STRAP: variants seen among roughly 807,000 people sequenced by gnomAD.
STRAP encodes the protein serine-threonine kinase receptor-associated protein.
STRAP carries 16 observed loss-of-function variants against 47.0 expected under a neutral mutation model. The observed-to-expected ratio is 0.34, with a 90% CI of 0.23 to 0.52. The LOEUF (loss-of-function observed/expected upper bound fraction) is 0.52, where lower values mean the gene tolerates loss of function less well. Ranked by LOEUF, STRAP falls within the 20% of genes least tolerant of loss-of-function variation. The probability of loss-of-function intolerance (pLI) is 0.96; values close to 1 mark genes in which losing one functional copy is unlikely to be tolerated. For synonymous variants in STRAP, 130 were observed against 142.7 expected (o/e 0.91, Z 0.63); for missense variants, 293 against 420.0 (o/e 0.70, Z 2.64).
chr12:15,901,672 C>A (rs1423764035), intron 9 of STRAP, among the ~76,000 whole-genome samples: 1 of 151,824 alleles, frequency 6.6e-6, no homozygotes, highest in Non-Finnish European at 1.5e-5. Context: ...ACCAACCTGG[C>A]CAACATGGTG....
rs549983078 is a variant in STRAP, at chr12:15,890,724, C to T, written c.403+55C>T. 12 of 1,429,630 alleles carry T rather than the reference C, an allele frequency of 8.4e-6. No individual in the cohort carries two copies. The highest frequency in any genetic ancestry group is 2.5e-5 in the South Asian group (2 of 80,914). 88.6% of individuals were successfully genotyped at this position (1,429,630 alleles called of 1,614,324 possible). A position where few individuals can be genotyped will look rare whatever the true frequency, so the allele number is the denominator to read the frequency against. On this transcript the variant is annotated intron_variant, in intron 4 of 9. Transcript: ENST00000419869. The surrounding 1 kb of genome is among the most constrained non-coding windows in gnomAD (Gnocchi z 4.5). Reference sequence around the variant, plus strand: ...TTTTATTTTCTTTTAATTTAAATAACTGATTAAAGAATTTCATGCTCAGTA... The same window carrying T: ...TTTTATTTTCTTTTAATTTAAATAATTGATTAAAGAATTTCATGCTCAGTA...
At chr12:15,883,216 T>C in intron 1 of STRAP, 1 of 1,330,748 alleles carries the variant, frequency 7.5e-7, no homozygotes. Flanking sequence ...TGGATATTCC[T>C]TTGTGGTATT....
rs555034231 is a variant in STRAP at position 15,894,818 on chromosome 12, T to G, written c.501-541T>G. On this transcript the variant is annotated intron_variant, in intron 5 of 9. Coordinates refer to ENST00000419869, the MANE Select transcript of STRAP (RefSeq NM_007178.4). The surrounding 1 kb of genome is among the most constrained non-coding windows in gnomAD (Gnocchi z 4.9). ...TCCAACTTTTTTCTGGTCCCAAGTA[T>G]TTTCAATTAAGGGATGCTCACCTTG... Among the ~76,000 whole-genome samples the G allele has an allele frequency of 2.7e-4, 41 of 152,316 alleles. No homozygotes were observed. Among genetic ancestry groups the G allele is most frequent in the Admixed American group, 1.2e-3 (19 of 15,304 alleles).
In STRAP at chr12:15,895,738, G is replaced by A. The variant is rs181576788; in HGVS notation, c.638+242G>A. 1.3e-4 allele frequency among the ~76,000 whole-genome samples: 19 copies of A among 151,608 alleles called. No homozygotes were observed. The East Asian group carries it at 3.3e-3, about 27-fold the overall frequency. ...TAGCTGGGTGTGGTGGCACACGCCT[G>A]TAGTCCAGCTGCTTGGGAGGCTGAG... On this transcript the variant is annotated intron_variant, in intron 6 of 9. Transcript: ENST00000419869.
At chr12:15,885,060 A>G (rs1043792050) in intron 2 of STRAP, among the ~76,000 whole-genome samples, 1 of 152,006 alleles carries the variant, frequency 6.6e-6, no homozygotes, top group African/African-American at 2.4e-5. Context: ...TCCAGTTCCT[A>G]CTTGGTATTT....
Position 15,882,621 on chromosome 12 carries a change from G to C in STRAP, c.-87G>C. Reference sequence around the variant, plus strand: ...AGCCCTAGTGTCAGGGCGGGGGCCTGGAGCAGCCCGAGGCACTGCAGCAGA... The same window carrying C: ...AGCCCTAGTGTCAGGGCGGGGGCCTCGAGCAGCCCGAGGCACTGCAGCAGA... On this transcript the variant is annotated 5_prime_UTR_variant, in exon 1 of 10. Coordinates refer to ENST00000419869, the MANE Select transcript of STRAP (RefSeq NM_007178.4). The C allele has an allele frequency of 8.6e-7, 1 of 1,165,976 alleles. No homozygotes were observed. The highest frequency in any genetic ancestry group is 1.2e-6 in the Non-Finnish European group (1 of 810,368). 72.2% of individuals were successfully genotyped at this position (1,165,976 alleles called of 1,614,324 possible).
chr12:15,892,278 A>T (rs1275664945), intron 4 of STRAP, among the ~76,000 whole-genome samples: 4 of 151,604 alleles, frequency 2.6e-5, no homozygotes, highest in African/African-American at 7.3e-5. Context: ...TTTGCTTTTA[A>T]ATTTTGTTAA....
chr12:15,902,907 T>TTTTTTTC lies in STRAP; in HGVS notation c.992-9_992-8insTTTTTCT, dbSNP rs1412536661. On this transcript the variant is annotated splice_polypyrimidine_tract_variant and intron_variant, in intron 9 of 9. Transcript: ENST00000419869. ...TGACTTTTTTTTTTTTTTTTTTTTT[T>TTTTTTTC]TACTTATAGAAGAAATTGCTTCAGA... The TTTTTTTC allele has an allele frequency of 6.6e-7, 1 of 1,506,674 alleles. No individual in the cohort carries two copies. Among genetic ancestry groups the TTTTTTTC allele is most frequent in the African/African-American group, 1.4e-5 (1 of 70,118 alleles). The allele number at this position is 1,506,674 out of a possible 1,614,324, so 93.3% of individuals were successfully genotyped here.
At chr12:15,884,130 TC>T (rs1459552690) in intron 2 of STRAP, among the ~76,000 whole-genome samples, 7 of 152,194 alleles carry the variant, frequency 4.6e-5, no homozygotes, top group Non-Finnish European at 7.3e-5. Context: ...ACTCAGCTGC[TC>T]GTCATTTCCT....
At chr12:15,900,520 CAAAAA>C (rs397823926) in intron 8 of STRAP, among the ~76,000 whole-genome samples, 9 of 102,244 alleles carry the variant, frequency 8.8e-5, no homozygotes, top group East Asian at 2.8e-4. Context: ...GACTCAGTCT[CAAAAA>C]AAAAAAAAAG....
Position 15,888,454 on chromosome 12 carries a change from A to C in STRAP, c.249-1474A>C, listed in dbSNP as rs766860240. 1.1e-3 allele frequency among the ~76,000 whole-genome samples: 160 copies of C among 152,198 alleles called. 1 individual carries two copies. Among genetic ancestry groups the C allele is most frequent in the Non-Finnish European group, 3.8e-4 (26 of 68,028 alleles). ...TACTAGGGAGTTTAGCAGCAAGGCT[A>C]CTTATAGTTGACATTATTTCTTTCA... On this transcript the variant is annotated intron_variant, in intron 2 of 9. Transcript: ENST00000419869.
rs975615877 is a variant in STRAP at position 15,901,456 on chromosome 12, C to T, written c.991+444C>T. Reference sequence around the variant, plus strand: ...AACTATGTTAACTAAAAGTTCAGAACCAAAAAGGAGCATAGCATATGAGGA... The same window carrying T: ...AACTATGTTAACTAAAAGTTCAGAATCAAAAAGGAGCATAGCATATGAGGA... On this transcript the variant is annotated intron_variant, in intron 9 of 9. Transcript: ENST00000419869. Among the ~76,000 whole-genome samples, 4 of 151,918 alleles carry T rather than the reference C, an allele frequency of 2.6e-5. 1 individual carries two copies. Among genetic ancestry groups the T allele is most frequent in the Non-Finnish European group, 4.4e-5 (3 of 67,982 alleles).
In STRAP at chr12:15,882,554, T is replaced by A; in HGVS notation, c.-154T>A. ...ACCCCTCCCTCACCCCTCCCTAACC[T>A]CGGTGCCACCGGATTGCCCTTCTTT... On this transcript the variant is annotated 5_prime_UTR_variant, in exon 1 of 10. Coordinates refer to ENST00000419869, the MANE Select transcript of STRAP (RefSeq NM_007178.4). The A allele has an allele frequency of 1.6e-5, 7 of 435,384 alleles. No individual in the cohort carries two copies. Among genetic ancestry groups the A allele is most frequent in the Admixed American group, 3.3e-5 (1 of 29,958 alleles). 27.0% of individuals were successfully genotyped at this position (435,384 alleles called of 1,614,324 possible). A position where few individuals can be genotyped will look rare whatever the true frequency, so the allele number is the denominator to read the frequency against.
Position 15,900,833 on chromosome 12 carries a change from T to A in STRAP, c.926-114T>A, listed in dbSNP as rs1424216540. 5 of 705,902 alleles carry A rather than the reference T, an allele frequency of 7.1e-6. No homozygotes were observed. The East Asian group carries it at 1.4e-4, about 19-fold the overall frequency. 43.7% of individuals were successfully genotyped at this position (705,902 alleles called of 1,614,324 possible). A position where few individuals can be genotyped will look rare whatever the true frequency, so the allele number is the denominator to read the frequency against. On this transcript the variant is annotated intron_variant, in intron 8 of 9. Transcript: ENST00000419869. ...ATTTAAAAAGGAGTTGTTTTTATTATATTTTGTAGCCATTTTCCTGGAATA... is the reference window on the plus strand; with the variant it reads ...ATTTAAAAAGGAGTTGTTTTTATTAAATTTTGTAGCCATTTTCCTGGAATA...
chr12:15,902,850 TTTGC>T, intron 9 of STRAP, 63 bp from the exon 10 acceptor site: 3 of 1,460,860 alleles, frequency 2.1e-6, no homozygotes, highest in Non-Finnish European at 2.7e-6. Flanking sequence ...GAAATGTAGA[TTTGC>T]TTCTTTCTTT....
In STRAP at chr12:15,882,478, C is replaced by T. The variant is rs1042924; in HGVS notation, c.-230C>T. ...TCCCCATCCCCTACTTTCCTCCCTC[C>T]CTCCCTTTCCCTCCCTCGTCGACTG... is the stretch of plus-strand genomic sequence containing the variant. On this transcript the variant is annotated 5_prime_UTR_variant, in exon 1 of 10. Transcript: ENST00000419869. 3,525 of 542,434 alleles carry T rather than the reference C, an allele frequency of 6.5e-3. 31 individuals carry two copies. The highest frequency in any genetic ancestry group is 9.4e-3 in the Non-Finnish European group (2,850 of 302,580). 33.6% of individuals were successfully genotyped at this position (542,434 alleles called of 1,614,324 possible). A position where few individuals can be genotyped will look rare whatever the true frequency, so the allele number is the denominator to read the frequency against.
In STRAP at chr12:15,903,147, A is replaced by C. The variant is rs1948118956; in HGVS notation, c.*169A>C. 1.6e-6 allele frequency: 1 copy of C among 623,114 alleles called. No individual in the cohort carries two copies. Among genetic ancestry groups the C allele is most frequent in the Non-Finnish European group, 2.4e-6 (1 of 408,966 alleles). The allele number at this position is 623,114 out of a possible 1,614,324, so 38.6% of individuals were successfully genotyped here. A position where few individuals can be genotyped will look rare whatever the true frequency, so the allele number is the denominator to read the frequency against. On this transcript the variant is annotated 3_prime_UTR_variant, in exon 10 of 10. Coordinates refer to ENST00000419869, the MANE Select transcript of STRAP (RefSeq NM_007178.4). ...ACTAACTAACTTGGTGTTACCTGTAAGTGAAAACTCAAGTGTCAGATGAAG... is the reference window on the plus strand; with the variant it reads ...ACTAACTAACTTGGTGTTACCTGTACGTGAAAACTCAAGTGTCAGATGAAG...
chr12:15,890,118 A>G lies in STRAP; in HGVS notation c.330+109A>G. ...ATTTGATTGATATGTTTTGTGTGGA[A>G]TATTTGTTATTTCTTGGTTCATATT... On this transcript the variant is annotated intron_variant, in intron 3 of 9. Coordinates refer to ENST00000419869, the MANE Select transcript of STRAP (RefSeq NM_007178.4). This position sits in a 1 kb window ranked among gnomAD's most constrained non-coding sequence, Gnocchi z 4.5. 1 of 983,672 alleles carries G rather than the reference A, an allele frequency of 1.0e-6. No homozygotes were observed. The highest frequency in any genetic ancestry group is 1.6e-6 in the Non-Finnish European group (1 of 640,898). The allele number at this position is 983,672 out of a possible 1,614,324, so 60.9% of individuals were successfully genotyped here. A position where few individuals can be genotyped will look rare whatever the true frequency, so the allele number is the denominator to read the frequency against.
In STRAP at chr12:15,882,521, A is replaced by ACTCCCTGACCC. The variant is rs1947929733; in HGVS notation, c.-180_-170dup. The ACTCCCTGACCC allele has an allele frequency of 3.6e-6, 2 of 554,060 alleles. No individual in the cohort carries two copies. The highest frequency in any genetic ancestry group is 6.4e-5 in the Admixed American group (2 of 31,490). The allele number at this position is 554,060 out of a possible 1,614,324, so 34.3% of individuals were successfully genotyped here. A position where few individuals can be genotyped will look rare whatever the true frequency, so the allele number is the denominator to read the frequency against. On this transcript the variant is annotated 5_prime_UTR_variant, in exon 1 of 10. Coordinates refer to ENST00000419869, the MANE Select transcript of STRAP (RefSeq NM_007178.4). ...GTCGACTGTTGCTTGCTGGTCGCAG[A>ACTCCCTGACCC]CTCCCTGACCCCTCCCTCACCCCTC... is the stretch of plus-strand genomic sequence containing the variant.
Sources: gnomAD v4.1 joint callset for allele counts (sites outside exome capture counted in the v4.1 genomes callset) on GRCh38, gnomAD v4.1.1 for gene constraint, Gnocchi (gnomAD v3.1) non-coding constraint, MANE v1.5 for transcripts, NCBI Gene and HGNC (gene_info 2026-07-23, HGNC 2026-07-21) for gene names.